The following HEMK2 variants were observed in gnomAD, a reference collection of about 807,000 sequenced individuals.
HEMK2 encodes HemK methyltransferase 2, ETF1 glutamine and histone H4 lysine.
chr21:28,835,476 G>A, the HEMK2 span, among the ~76,000 whole-genome samples: 1 of 152,070 alleles, frequency 6.6e-6, no homozygotes, highest in African/African-American at 2.4e-5. Context: ...ACCCGTGGGA[G>A]AACCTGAACA....
chr21:28,688,964 C>T, the HEMK2 span, among the ~76,000 whole-genome samples: 1 of 152,102 alleles, frequency 6.6e-6, no homozygotes, highest in Admixed American at 6.5e-5. Flanking sequence ...GCTACAATGG[C>T]AGAGTTAAAT....
chr21:28,732,857 T>A, the HEMK2 span, among the ~76,000 whole-genome samples: 1 of 152,102 alleles, frequency 6.6e-6, no homozygotes, highest in South Asian at 2.1e-4. Flanking sequence ...TCTTTCAAAA[T>A]CCTCTGTCTG....
At chr21:28,755,345 C>T in the HEMK2 span, among the ~76,000 whole-genome samples, 1 of 152,194 alleles carries the variant, frequency 6.6e-6, no homozygotes, top group Non-Finnish European at 1.5e-5. Context: ...GTGTCCACCA[C>T]GTACATGTAC....
the HEMK2 span, among the ~76,000 whole-genome samples, chr21:28,691,143 G>A: frequency 1.3e-5 from 2 of 152,076 alleles, no homozygotes; most frequent in African/African-American, 4.8e-5. Flanking sequence ...GTTGCAAAAT[G>A]GTGATAATTC....
the HEMK2 span, among the ~76,000 whole-genome samples, chr21:28,628,920 T>G: frequency 6.6e-6 from 1 of 152,228 alleles, no homozygotes; most frequent in Admixed American, 6.5e-5. Context: ...GCTTGCAGTA[T>G]TAAAGCATCA....
chr21:28,745,193 C>T, the HEMK2 span, among the ~76,000 whole-genome samples: 5 of 152,132 alleles, frequency 3.3e-5, no homozygotes, highest in Non-Finnish European at 5.9e-5. Flanking sequence ...TAAGAGCTTA[C>T]AAGATGGAAG....
chr21:28,613,093 TAGAA>T, the HEMK2 span, among the ~76,000 whole-genome samples: 4 of 147,862 alleles, frequency 2.7e-5, no homozygotes, highest in East Asian at 2.0e-4. Context: ...GATAGATAGA[TAGAA>T]AGATAGATAG....
chr21:28,766,254 G>GT, the HEMK2 span, among the ~76,000 whole-genome samples: 1 of 151,918 alleles, frequency 6.6e-6, no homozygotes. Flanking sequence ...GTATACCCAT[G>GT]TAACAAACCT....
chr21:28,778,261 T>C, the HEMK2 span, among the ~76,000 whole-genome samples: 175 of 152,374 alleles, frequency 1.1e-3, 1 homozygote, highest in African/African-American at 3.5e-3. Context: ...CCTAATTCCC[T>C]GGAGATTCAT....
the HEMK2 span, among the ~76,000 whole-genome samples, chr21:28,877,050 G>GGGAA: frequency 2.2e-5 from 1 of 44,972 alleles, no homozygotes; most frequent in African/African-American, 8.9e-5. Flanking sequence ...GAGGGAGGGA[G>GGGAA]GGAGGGAGGG....
chr21:28,705,107 G>C, the HEMK2 span, among the ~76,000 whole-genome samples: 2 of 152,084 alleles, frequency 1.3e-5, no homozygotes, highest in East Asian at 3.9e-4. Context: ...TCTCCAAGCA[G>C]CTTGGTAAAT....
chr21:28,810,883 G>C, the HEMK2 span, among the ~76,000 whole-genome samples: 2 of 152,102 alleles, frequency 1.3e-5, no homozygotes, highest in Non-Finnish European at 2.9e-5. Flanking sequence ...CTCTACATCT[G>C]ATCTTCCAAA....
At chr21:28,583,290 A>G in the HEMK2 span, among the ~76,000 whole-genome samples, 1 of 152,230 alleles carries the variant, frequency 6.6e-6, no homozygotes, top group Non-Finnish European at 1.5e-5. Context: ...AGTAGTACAT[A>G]AAATAACGGA....
the HEMK2 span, among the ~76,000 whole-genome samples, chr21:28,675,039 T>C: frequency 1.3e-5 from 2 of 152,202 alleles, no homozygotes; most frequent in Non-Finnish European, 2.9e-5. Context: ...AGTAACTAAA[T>C]GATTCATTAG....
the HEMK2 span, among the ~76,000 whole-genome samples, chr21:28,718,530 TCTAA>T: frequency 6.6e-6 from 1 of 152,172 alleles, no homozygotes; most frequent in Non-Finnish European, 1.5e-5. Flanking sequence ...TGTTGAAGTC[TCTAA>T]CTATTACTGT....
chr21:28,792,708 C>T, the HEMK2 span, among the ~76,000 whole-genome samples: 4 of 152,186 alleles, frequency 2.6e-5, no homozygotes, highest in Non-Finnish European at 5.9e-5. Flanking sequence ...AATGCTCCGT[C>T]TTGCTTTCTA....
At chr21:28,632,880 G>A in the HEMK2 span, among the ~76,000 whole-genome samples, 21 of 152,248 alleles carry the variant, frequency 1.4e-4, 1 homozygote, top group East Asian at 3.7e-3. Context: ...TTTGACGGTG[G>A]GATGAGCAAA....
chr21:28,694,087 C>A, the HEMK2 span, among the ~76,000 whole-genome samples: 1 of 152,174 alleles, frequency 6.6e-6, no homozygotes. Flanking sequence ...TTCAAAAGTA[C>A]ATTGTCAAAG....
At chr21:28,750,287 T>C in the HEMK2 span, among the ~76,000 whole-genome samples, 2 of 152,244 alleles carry the variant, frequency 1.3e-5, no homozygotes, top group East Asian at 1.9e-4. Flanking sequence ...TAGCTGTAAG[T>C]AATCTATTCT....
Sources: allele counts gnomAD v4.1 joint callset (sites outside exome capture counted in the v4.1 genomes callset), GRCh38; gene constraint gnomAD v4.1.1; transcripts MANE v1.5; gene names NCBI Gene and HGNC (gene_info 2026-07-23, HGNC 2026-07-21).